ELMO1: variants seen among roughly 807,000 people sequenced by gnomAD.
The protein encoded by ELMO1 is engulfment and cell motility protein 1.
A neutral mutation model predicts 98.9 loss-of-function variants in ELMO1; 26 were observed. The ratio of observed to expected loss-of-function variants is 0.26; its 90% confidence interval spans 0.19 to 0.36. The LOEUF (loss-of-function observed/expected upper bound fraction) is 0.36. Ranked by LOEUF, ELMO1 falls within the 10% of genes least tolerant of loss-of-function variation. The probability of loss-of-function intolerance (pLI) is 1.00; values close to 1 mark genes in which losing one functional copy is unlikely to be tolerated. For synonymous variants in ELMO1, 346 were observed against 346.0 expected (o/e 1.00, Z 0.00); for missense variants, 627 against 935.2 (o/e 0.67, Z 4.30).
chr7:37,443,404 G>A (rs1231830246), intron 1 of ELMO1, among the ~76,000 whole-genome samples: 20 of 152,068 alleles, frequency 1.3e-4, no homozygotes, highest in Non-Finnish European at 2.9e-5. Flanking sequence ...ACTGAGAATC[G>A]TCTCCTTCTA....
chr7:37,268,517 G>C (rs1796379004), intron 5 of ELMO1, among the ~76,000 whole-genome samples: 1 of 152,068 alleles, frequency 6.6e-6, no homozygotes, highest in South Asian at 2.1e-4. Context: ...GGCCAGGCTG[G>C]TCTTGAACTC....
chr7:37,266,474 C>G (rs1796246028), intron 5 of ELMO1, among the ~76,000 whole-genome samples: 1 of 152,130 alleles, frequency 6.6e-6, no homozygotes, highest in Non-Finnish European at 1.5e-5. Flanking sequence ...GACAAAGCAA[C>G]AGTAGGGACT....
chr7:36,989,823 T>C (rs1202866188), intron 16 of ELMO1, among the ~76,000 whole-genome samples: 1 of 152,202 alleles, frequency 6.6e-6, no homozygotes, highest in Non-Finnish European at 1.5e-5. Context: ...ATTAGAACCA[T>C]CAGCAATAAG....
Position 37,314,904 on chromosome 7 carries a change from A to T in ELMO1, c.138T>A (p.His46Gln), listed in dbSNP as rs764587624. The change falls in exon 4 of 22, where the codon CAT becomes CAA. Residue 46 changes from histidine (H) to glutamine (Q), a missense_variant. By Grantham distance (24) the His-to-Gln change is conservative. Around this residue, in one of 3 missense-constraint regions of ELMO1, gnomAD observed 123 missense variants for 171.2 expected, o/e 0.72. Coordinates refer to ENST00000310758, the MANE Select transcript of ELMO1 (RefSeq NM_014800.11). ...CGGCATGCTGGAGTGCAAAATATTCATGGTTGGCAAGAGACCACCTTAAAA... is the reference window on the plus strand; with the variant it reads ...CGGCATGCTGGAGTGCAAAATATTCTTGGTTGGCAAGAGACCACCTTAAAA... ...EVCDGWSLAN[H>Q]EYFALQHADS... The T allele has an allele frequency of 1.2e-6, 2 of 1,613,824 alleles. No individual in the cohort carries two copies. Among genetic ancestry groups the T allele is most frequent in the Admixed American group, 3.3e-5 (2 of 60,012 alleles).
chr7:37,001,553 A>G (rs1375623313), intron 16 of ELMO1, among the ~76,000 whole-genome samples: 3 of 152,238 alleles, frequency 2.0e-5, no homozygotes, highest in Non-Finnish European at 4.4e-5. Context: ...GATATTTTCC[A>G]AAAAATTTTG....
intron 1 of ELMO1, among the ~76,000 whole-genome samples, chr7:37,367,056 C>T (rs977193262): frequency 6.6e-6 from 1 of 152,208 alleles, no homozygotes; most frequent in Non-Finnish European, 1.5e-5. Flanking sequence ...TTCTCTGTCC[C>T]CTACCAGTTT....
At chr7:36,943,445 A>G (rs954059728) in intron 16 of ELMO1, among the ~76,000 whole-genome samples, 1 of 152,142 alleles carries the variant, frequency 6.6e-6, no homozygotes, top group Admixed American at 6.5e-5. Context: ...CTCTGTTGGC[A>G]TTTTAGATCT....
At chr7:37,427,750 G>C (rs746687021) in intron 1 of ELMO1, among the ~76,000 whole-genome samples, 8 of 152,172 alleles carry the variant, frequency 5.3e-5, no homozygotes, top group Non-Finnish European at 1.2e-4. Context: ...GAGGAGAAGG[G>C]AGCTGACAGC....
intron 2 of ELMO1, among the ~76,000 whole-genome samples, chr7:37,333,499 A>G (rs1184881193): frequency 1.3e-5 from 2 of 152,184 alleles, no homozygotes; most frequent in Admixed American, 6.5e-5. Flanking sequence ...TCATTTGCTG[A>G]AGGAAAAGGA....
At chr7:36,986,739 GAACCACCTCGCGATACC>G (rs1791538603) in intron 16 of ELMO1, among the ~76,000 whole-genome samples, 1 of 152,070 alleles carries the variant, frequency 6.6e-6, no homozygotes, top group Admixed American at 6.5e-5. Context: ...AAATGTCATA[GAACCACCTCGCGATACC>G]TTGCCATGTA....
intron 16 of ELMO1, among the ~76,000 whole-genome samples, chr7:36,918,727 A>G (rs979783394): frequency 2.6e-5 from 4 of 152,254 alleles, no homozygotes; most frequent in Admixed American, 1.3e-4. Context: ...CTTTTGCTAA[A>G]TAAAGCGTCA....
At chr7:37,092,915 CTTTTT>C (rs79327023) in intron 15 of ELMO1, among the ~76,000 whole-genome samples, 2 of 137,054 alleles carry the variant, frequency 1.5e-5, no homozygotes, top group African/African-American at 2.7e-5. Context: ...CTTTCTTTTT[CTTTTT>C]TTTTTTTTTT....
At chr7:37,199,038 G>A (rs1468028813) in intron 13 of ELMO1, among the ~76,000 whole-genome samples, 3 of 152,266 alleles carry the variant, frequency 2.0e-5, no homozygotes, top group African/African-American at 4.8e-5. Flanking sequence ...TTTGATAGGC[G>A]CGCCCCCTAG....
chr7:37,125,102 G>A (rs1786404218), intron 14 of ELMO1, among the ~76,000 whole-genome samples: 1 of 152,048 alleles, frequency 6.6e-6, no homozygotes, highest in African/African-American at 2.4e-5. Flanking sequence ...GCTGAAACTG[G>A]ATCCCTTCCT....
intron 16 of ELMO1, among the ~76,000 whole-genome samples, chr7:36,945,312 C>T (rs1787383239): frequency 6.6e-6 from 1 of 152,146 alleles, no homozygotes; most frequent in African/African-American, 2.4e-5. Context: ...TCTTCCTTTT[C>T]TACTTTCACA....
chr7:37,446,719 C>G (rs941221400), intron 1 of ELMO1, among the ~76,000 whole-genome samples: 1 of 152,194 alleles, frequency 6.6e-6, no homozygotes, highest in Non-Finnish European at 1.5e-5. Flanking sequence ...GAGCCTGCCC[C>G]TCCCTGATAC....
intron 14 of ELMO1, among the ~76,000 whole-genome samples, chr7:37,131,605 TA>T (rs1224883072): frequency 6.6e-6 from 1 of 152,230 alleles, no homozygotes; most frequent in Admixed American, 6.5e-5. Context: ...AAGGCTATAC[TA>T]CATGGTATCT....
intron 1 of ELMO1, among the ~76,000 whole-genome samples, chr7:37,373,183 G>T (rs1436844786): frequency 1.3e-5 from 2 of 152,196 alleles, no homozygotes; most frequent in Non-Finnish European, 2.9e-5. Context: ...TCTGGGAAAG[G>T]CACACTTAAC....
intron 4 of ELMO1, among the ~76,000 whole-genome samples, chr7:37,283,607 G>A (rs1000287195): frequency 6.6e-6 from 1 of 152,228 alleles, no homozygotes; most frequent in African/African-American, 2.4e-5. Flanking sequence ...GCTGAGGGGG[G>A]CCATCTTTGC....
Sources: gnomAD v4.1 joint callset for allele counts (sites outside exome capture counted in the v4.1 genomes callset) on GRCh38, gnomAD v4.1.1 for gene constraint, gnomAD v4.1.1 regional missense constraint, MANE v1.5 for transcripts, NCBI Gene and HGNC (gene_info 2026-07-23, HGNC 2026-07-21) for gene names.